Variants in PRKCA observed in about 807,000 individuals in gnomAD.
PRKCA encodes the protein protein kinase C alpha, also known as protein kinase C alpha type.
A neutral mutation model predicts 87.0 loss-of-function variants in PRKCA; 27 were observed. That is an observed-to-expected ratio of 0.31 (90% confidence interval 0.23 to 0.43). The LOEUF (loss-of-function observed/expected upper bound fraction) is 0.43, where lower values mean the gene tolerates loss of function less well. PRKCA is among the 20% of genes least tolerant of loss of function. The pLI, the probability that PRKCA is intolerant of heterozygous loss-of-function variation, is 1.00. For synonymous variants in PRKCA, 329 were observed against 311.1 expected (o/e 1.06, Z -0.61); for missense variants, 518 against 852.3 (o/e 0.61, Z 4.88).
chr17:66,478,653 A>C (rs898057904), intron 2 of PRKCA, among the ~76,000 whole-genome samples: 5 of 152,170 alleles, frequency 3.3e-5, no homozygotes, highest in Non-Finnish European at 7.3e-5. Context: ...TAAGATTTTT[A>C]GTTTCTTAAG....
chr17:66,369,799 G>A (rs1469186598), intron 2 of PRKCA, among the ~76,000 whole-genome samples: 2 of 152,118 alleles, frequency 1.3e-5, no homozygotes, highest in African/African-American at 4.8e-5. Flanking sequence ...GGTGTCCTCT[G>A]CCTCTGTTGA....
At chr17:66,726,465 G>A (rs1973750935) in intron 8 of PRKCA, among the ~76,000 whole-genome samples, 1 of 152,224 alleles carries the variant, frequency 6.6e-6, no homozygotes, top group African/African-American at 2.4e-5. Context: ...CTAACTGGGA[G>A]AAGGAAGGAG....
intron 2 of PRKCA, among the ~76,000 whole-genome samples, chr17:66,375,751 A>T (rs899055852): frequency 6.6e-6 from 1 of 152,148 alleles, no homozygotes; most frequent in Non-Finnish European, 1.5e-5. Context: ...AAGAGATGCA[A>T]TGAAGAGATA....
At chr17:66,328,457 C>G (rs1906122901) in intron 2 of PRKCA, among the ~76,000 whole-genome samples, 1 of 152,042 alleles carries the variant, frequency 6.6e-6, no homozygotes, top group African/African-American at 2.4e-5. Flanking sequence ...GGTAAAGCAG[C>G]CAGCAACTGC....
In PRKCA at chr17:66,489,613, A is replaced by G. The variant is rs568087235; in HGVS notation, c.206-6588A>G. Among the ~76,000 whole-genome samples the G allele has an allele frequency of 3.3e-5, 5 of 151,904 alleles. No individual in the cohort carries two copies. The East Asian group carries it at 9.7e-4, about 29-fold the overall frequency. The stretch of plus-strand genomic sequence containing the variant: ...GTCTCCAATCCTTAAAGATTATATG[A>G]GTCCTTTGCTCTCAAATCTGAATTT... On this transcript the variant is annotated intron_variant, in intron 2 of 16. Coordinates refer to ENST00000413366, the MANE Select transcript of PRKCA (RefSeq NM_002737.3).
intron 3 of PRKCA, among the ~76,000 whole-genome samples, chr17:66,572,338 G>A (rs1279743972): frequency 6.6e-6 from 1 of 152,056 alleles, no homozygotes; most frequent in Non-Finnish European, 1.5e-5. Context: ...GTGGTGGTGG[G>A]CACCTGTAAT....
chr17:66,635,154 A>G (rs1036768039), intron 3 of PRKCA, among the ~76,000 whole-genome samples: 2 of 152,218 alleles, frequency 1.3e-5, no homozygotes, highest in African/African-American at 4.8e-5. Context: ...AGAGACACCA[A>G]GGTGCCTGCC....
At chr17:66,449,121 C>CA (rs1482004989) in intron 2 of PRKCA, among the ~76,000 whole-genome samples, 1 of 150,922 alleles carries the variant, frequency 6.6e-6, no homozygotes, top group African/African-American at 2.4e-5. Flanking sequence ...CCTGTCTGTA[C>CA]AAAAAATGAA....
At chr17:66,777,738 C>G (rs1435958104) in intron 14 of PRKCA, 1 of 985,272 alleles carries the variant, frequency 1.0e-6, no homozygotes, top group Non-Finnish European at 1.2e-6. Context: ...TTTGCATATG[C>G]TAACATGCAA....
intron 2 of PRKCA, among the ~76,000 whole-genome samples, chr17:66,377,743 G>A (rs1270283262): frequency 9.7e-5 from 1 of 10,288 alleles, no homozygotes; most frequent in Admixed American, 1.3e-3. Context: ...TTTTTTTTTT[G>A]AGGCAGGACC....
intron 3 of PRKCA, among the ~76,000 whole-genome samples, chr17:66,550,879 T>C (rs745423845): frequency 1.3e-5 from 2 of 152,174 alleles, no homozygotes; most frequent in Admixed American, 6.5e-5. Context: ...TGGGGAGCTG[T>C]GTGTGTTTTA....
intron 16 of PRKCA, among the ~76,000 whole-genome samples, chr17:66,798,467 G>A (rs866509265): frequency 7.9e-4 from 53 of 67,298 alleles, no homozygotes; most frequent in African/African-American, 1.2e-3. Context: ...GGTGGTGGTG[G>A]TGGTGGTGGT....
At chr17:66,461,121 G>T (rs1914830353) in intron 2 of PRKCA, among the ~76,000 whole-genome samples, 1 of 150,272 alleles carries the variant, frequency 6.7e-6, no homozygotes, top group Admixed American at 6.7e-5. Context: ...CAGGAGAATT[G>T]CTTGAGCCCA....
At chr17:66,441,554 T>C (rs1031226970) in intron 2 of PRKCA, among the ~76,000 whole-genome samples, 3 of 152,214 alleles carry the variant, frequency 2.0e-5, no homozygotes, top group African/African-American at 7.2e-5. Context: ...TACATCTTCA[T>C]ACGACTCTCG....
At chr17:66,699,611 A>C (rs1051945734) in intron 8 of PRKCA, among the ~76,000 whole-genome samples, 12 of 152,248 alleles carry the variant, frequency 7.9e-5, no homozygotes, top group Admixed American at 7.9e-4. Flanking sequence ...TTTAAGAGAC[A>C]AGGTCTCGCT....
chr17:66,429,556 G>T (rs1912994913), intron 2 of PRKCA, among the ~76,000 whole-genome samples: 1 of 152,090 alleles, frequency 6.6e-6, no homozygotes, highest in Non-Finnish European at 1.5e-5. Flanking sequence ...TATTAGGGCT[G>T]GGAAGAGATT....
intron 16 of PRKCA, among the ~76,000 whole-genome samples, chr17:66,794,624 G>GT (rs71367182): frequency 0.15 from 20,772 of 136,716 alleles, 1,734 homozygotes; most frequent in Non-Finnish European, 0.18. Context: ...GGGGTTTTTT[G>GT]TTTTTTTTTT....
chr17:66,493,506 C>T (rs147876166), intron 2 of PRKCA, among the ~76,000 whole-genome samples: 1 of 152,130 alleles, frequency 6.6e-6, no homozygotes, highest in Non-Finnish European at 1.5e-5. Flanking sequence ...GTGACTCAGC[C>T]TTGGGAAAGA....
intron 2 of PRKCA, among the ~76,000 whole-genome samples, chr17:66,473,386 C>T (rs1030859107): frequency 2.0e-5 from 3 of 152,206 alleles, no homozygotes; most frequent in Non-Finnish European, 4.4e-5. Flanking sequence ...CTCTTCCTTT[C>T]AGCTGGAGCC....
Sources: allele counts gnomAD v4.1 joint callset (sites outside exome capture counted in the v4.1 genomes callset), GRCh38; gene constraint gnomAD v4.1.1; transcripts MANE v1.5; gene names NCBI Gene and HGNC (gene_info 2026-07-23, HGNC 2026-07-21).